Variants in NBL1 observed in about 807,000 individuals in gnomAD.
The protein encoded by NBL1 is neuroblastoma suppressor of tumorigenicity 1.
In NBL1, 9 loss-of-function variants were observed where a neutral mutation model predicts 16.0. That is an observed-to-expected ratio of 0.56 (90% CI 0.34 to 0.98). The LOEUF (loss-of-function observed/expected upper bound fraction) is 0.98. Among genes scored for constraint, NBL1 ranks in the 50% least tolerant of loss-of-function variants. NBL1 has a pLI of 0.02. For synonymous variants in NBL1, 86 were observed against 100.7 expected, an observed-to-expected ratio of 0.85 and a Z score of 0.87; for missense variants, 196 against 243.1, an observed-to-expected ratio of 0.81 and a Z score of 1.29.
chr1:19,654,426 C>T (rs1360457170), intron 1 of NBL1, among the ~76,000 whole-genome samples: 2 of 152,160 alleles, frequency 1.3e-5, no homozygotes, highest in Non-Finnish European at 2.9e-5. Context: ...AAAAAGAAAT[C>T]ACAGCAACGT....
chr1:19,652,538 TTGGGGTCC>T (rs1348280442), intron 1 of NBL1, among the ~76,000 whole-genome samples: 1 of 152,168 alleles, frequency 6.6e-6, no homozygotes. Flanking sequence ...TATCCCGGCA[TTGGGGTCC>T]CCTGAGATGG....
rs1025148589 is a variant in NBL1 at position 19,644,559 on chromosome 1, C to G, written c.-20+113C>G. ...CGTCCCCCGGCGCGTCCGGCGGCCG[C>G]GGGCACCGGGTGGAGGCGCCGCCGC... On this transcript the variant is annotated intron_variant, in intron 1 of 3. Transcript: ENST00000375136. This position sits in a 1 kb window ranked among gnomAD's most constrained non-coding sequence, Gnocchi z 4.6. 3.2e-6 allele frequency: 2 copies of G among 618,678 alleles called. No individual in the cohort carries two copies. Among genetic ancestry groups the G allele is most frequent in the Admixed American group, 6.5e-5 (1 of 15,452 alleles). 38.3% of individuals were successfully genotyped at this position (618,678 alleles called of 1,614,324 possible).
Position 19,657,216 on chromosome 1 carries a change from C to A in NBL1, c.*87C>A, listed in dbSNP as rs374692382. The stretch of plus-strand genomic sequence containing the variant: ...GGAAGTCAGGGGAGAAGCTGAAGCC[C>A]CCCTTTGGCACTGGATGGACTTGGC... On this transcript the variant is annotated 3_prime_UTR_variant, in exon 4 of 4. Coordinates refer to ENST00000375136, the MANE Select transcript of NBL1 (RefSeq NM_005380.8). 13 of 633,122 alleles carry A rather than the reference C, an allele frequency of 2.1e-5. No homozygotes were observed. Among genetic ancestry groups the A allele is most frequent in the East Asian group, 1.9e-4 (7 of 36,216 alleles). 39.2% of individuals were successfully genotyped at this position (633,122 alleles called of 1,614,324 possible).
At chr1:19,652,035 G>T (rs1040648109) in intron 1 of NBL1, among the ~76,000 whole-genome samples, 1 of 152,056 alleles carries the variant, frequency 6.6e-6, no homozygotes, top group Non-Finnish European at 1.5e-5. Context: ...GAGCCACCAT[G>T]CCTGGCCCAG....
rs2095062479 is a variant in NBL1, at chr1:19,657,376, G to GGGT, written c.*251_*253dup. 3.8e-6 allele frequency: 1 copy of GGGT among 265,520 alleles called. No individual in the cohort carries two copies. The highest frequency in any genetic ancestry group is 7.1e-6 in the Non-Finnish European group (1 of 141,430). 16.4% of individuals were successfully genotyped at this position (265,520 alleles called of 1,614,324 possible). On this transcript the variant is annotated 3_prime_UTR_variant, in exon 4 of 4. Transcript: ENST00000375136. ...GTCTTCAGGGCTCTTTTTTTGGGGG[G>GGGT]GGTGGTCTCTTCCTGTCTGGCTTCT... is the stretch of plus-strand genomic sequence containing the variant.
chr1:19,657,083 A>T lies in NBL1; in HGVS notation c.500A>T (p.Asp167Val). The change falls in exon 4 of 4, where the codon GAC becomes GTC. Residue 167 changes from aspartate (D) to valine (V), a missense_variant. Transcript: ENST00000375136. Reference protein sequence around the residue: ...HPGGQTPEPEDPPGAPHTEEE... With the variant: ...HPGGQTPEPEVPPGAPHTEEE... ...GGCGGGCAGACCCCTGAGCCCGAGG[A>T]CCCCCCTGGGGCCCCCCACACAGAG... 3 of 1,412,554 alleles carry T rather than the reference A, an allele frequency of 2.1e-6. No individual in the cohort carries two copies. The highest frequency in any genetic ancestry group is 2.8e-6 in the Non-Finnish European group (3 of 1,065,206). The allele number at this position is 1,412,554 out of a possible 1,614,324, so 87.5% of individuals were successfully genotyped here.
chr1:19,645,590 C>T (rs1230392416), intron 1 of NBL1: 2 of 1,036,988 alleles, frequency 1.9e-6, no homozygotes, highest in Non-Finnish European at 2.3e-6. Flanking sequence ...AACAAGGAGC[C>T]CCTCACCCTT....
intron 1 of NBL1, chr1:19,646,076 T>C: frequency 6.5e-7 from 1 of 1,546,876 alleles, no homozygotes; most frequent in East Asian, 2.4e-5. Flanking sequence ...GGCACAGAGG[T>C]GGTCAGGGCT....
At chr1:19,648,665 G>A (rs527800439) in intron 1 of NBL1, among the ~76,000 whole-genome samples, 314 of 152,162 alleles carry the variant, frequency 2.1e-3, no homozygotes, top group Non-Finnish European at 3.2e-3. Context: ...AAATGGGTCT[G>A]CTGTTGTCAC....
At chr1:19,652,173 A>T (rs1202793805) in intron 1 of NBL1, among the ~76,000 whole-genome samples, 1 of 152,154 alleles carries the variant, frequency 6.6e-6, no homozygotes, top group African/African-American at 2.4e-5. Context: ...GGAGGACAAG[A>T]GTCCCTGGAC....
chr1:19,648,708 A>T (rs1195935552), intron 1 of NBL1, among the ~76,000 whole-genome samples: 1 of 138,772 alleles, frequency 7.2e-6, no homozygotes. Context: ...TGTGGGCGGC[A>T]GCTCAGAATG....
chr1:19,654,781 C>G (rs1318322849), intron 1 of NBL1, among the ~76,000 whole-genome samples: 1 of 152,140 alleles, frequency 6.6e-6, no homozygotes, highest in African/African-American at 2.4e-5. Context: ...CTGCTAGGCT[C>G]ATTTAATATC....
intron 1 of NBL1, among the ~76,000 whole-genome samples, chr1:19,651,690 C>CCTGT (rs2095026514): frequency 7.0e-6 from 1 of 143,768 alleles, no homozygotes; most frequent in South Asian, 2.5e-4. Context: ...TCTTTTCTTT[C>CCTGT]CTGTCCTTTT....
chr1:19,645,204 G>A (rs1431910225), intron 1 of NBL1, among the ~76,000 whole-genome samples: 2 of 152,184 alleles, frequency 1.3e-5, no homozygotes, highest in Non-Finnish European at 2.9e-5. Flanking sequence ...CGCCGGCCCC[G>A]AGGCCTGGCC....
At chr1:19,651,606 C>G (rs2095025872) in intron 1 of NBL1, among the ~76,000 whole-genome samples, 1 of 152,266 alleles carries the variant, frequency 6.6e-6, no homozygotes, top group East Asian at 1.9e-4. Context: ...GTTGTGACCT[C>G]TCCTAATTCC....
upstream of NBL1, chr1:19,643,531 G>T (rs897786092): frequency 4.1e-6 from 6 of 1,469,800 alleles, no homozygotes; most frequent in Admixed American, 8.9e-5. This position sits in a 1 kb window ranked among gnomAD's most constrained non-coding sequence, Gnocchi z 4.7. Flanking sequence ...AGGTACGGCC[G>T]CAATCCACCC....
At chr1:19,656,819 C>G in intron 3 of NBL1, 47 bp from the exon 4 acceptor site, 2 of 1,566,874 alleles carry the variant, frequency 1.3e-6, no homozygotes, top group South Asian at 1.2e-5. Flanking sequence ...CCTTGCCTGC[C>G]CCAGACCTTT....
chr1:19,648,596 GGAGT>G (rs2095000141), intron 1 of NBL1, among the ~76,000 whole-genome samples: 1 of 152,224 alleles, frequency 6.6e-6, no homozygotes, highest in Non-Finnish European at 1.5e-5. Flanking sequence ...CCTCTTCCCC[GGAGT>G]GGGAGCTACG....
intron 3 of NBL1, among the ~76,000 whole-genome samples, chr1:19,655,994 C>T (rs2095054332): frequency 6.6e-6 from 1 of 152,170 alleles, no homozygotes; most frequent in African/African-American, 2.4e-5. Context: ...GGCCCCTTTC[C>T]AGGCCCCCTG....
Sources: allele counts gnomAD v4.1 joint callset (sites outside exome capture counted in the v4.1 genomes callset), GRCh38; gene constraint gnomAD v4.1.1; non-coding constraint Gnocchi (gnomAD v3.1); transcripts MANE v1.5; gene names NCBI Gene and HGNC (gene_info 2026-07-23, HGNC 2026-07-21).